ITGA11: variants seen among roughly 807,000 people sequenced by gnomAD.
The protein encoded by ITGA11 is integrin subunit alpha 11, also known as integrin alpha-11.
A neutral mutation model predicts 141.9 loss-of-function variants in ITGA11; 97 were observed. That is an observed-to-expected ratio of 0.68 (90% CI 0.58 to 0.81). The LOEUF (loss-of-function observed/expected upper bound fraction) is 0.81. ITGA11 is among the 30% of genes least tolerant of loss of function. ITGA11 has a pLI of 0.00. For synonymous variants in ITGA11, 658 were observed against 624.6 expected (o/e 1.05, Z -0.80); for missense variants, 1,387 against 1,559.2 (o/e 0.89, Z 1.86).
At chr15:68,327,798 T>G (rs4777037) in intron 16 of ITGA11, among the ~76,000 whole-genome samples, 116,261 of 152,036 alleles carry the variant, frequency 0.76, 45,247 homozygotes, top group East Asian at 0.9. Context: ...ACCCCACTTT[T>G]CTCCACTGGC....
chr15:68,431,958 C>G, intron 1 of ITGA11, 57 bp downstream of exon 1: 3 of 1,198,910 alleles, frequency 2.5e-6, no homozygotes, highest in Non-Finnish European at 3.2e-6. Flanking sequence ...GATCCAAGCC[C>G]CGAGGGCCCA....
chr15:68,332,393 A>C lies in ITGA11; in HGVS notation c.1511T>G (p.Met504Arg). The C allele has an allele frequency of 6.2e-7, 1 of 1,610,604 alleles. No individual in the cohort carries two copies. The highest frequency in any genetic ancestry group is 1.3e-5 in the African/African-American group (1 of 74,970). ...TCGCTCACGGCCCTCGTTGAAGTAC[A>C]TGGGTGCGCCCACCAGCAGGACATC... ...VTDVLLVGAPMYFNEGRERGK... is the reference protein window; with the variant it reads ...VTDVLLVGAPRYFNEGRERGK... The change falls in exon 13 of 30, where the codon ATG becomes AGG. Residue 504 changes from methionine to arginine, a missense_variant. By Grantham distance (91) the Met-to-Arg change is moderately conservative (BLOSUM62 -1). Coordinates refer to ENST00000315757, the MANE Select transcript of ITGA11 (RefSeq NM_001004439.2).
intron 10 of ITGA11, 87 bp downstream of exon 10, chr15:68,348,743 G>T: frequency 1.7e-6 from 2 of 1,179,096 alleles, no homozygotes; most frequent in Non-Finnish European, 2.5e-6. Flanking sequence ...TGTGAAGGTG[G>T]ATGACAGATC....
At chr15:68,402,866 G>A in intron 2 of ITGA11, 52 bp downstream of exon 2, 6 of 1,257,962 alleles carry the variant, frequency 4.8e-6, no homozygotes, top group Admixed American at 1.9e-5. Flanking sequence ...GGATGGAGGG[G>A]GCTGGGTGTG....
chr15:68,346,225 C>T (rs746546922), intron 10 of ITGA11, among the ~76,000 whole-genome samples: 39 of 152,122 alleles, frequency 2.6e-4, no homozygotes, highest in Admixed American at 3.9e-4. Context: ...ATGACCTTGA[C>T]GTGACCGAAG....
chr15:68,362,264 G>A (rs1330130592), intron 4 of ITGA11, among the ~76,000 whole-genome samples: 1 of 152,070 alleles, frequency 6.6e-6, no homozygotes, highest in Admixed American at 6.5e-5. Context: ...CTGAGTGAAG[G>A]GTTCTTCTCA....
intron 2 of ITGA11, among the ~76,000 whole-genome samples, chr15:68,398,271 G>C (rs1351318928): frequency 6.6e-6 from 1 of 151,878 alleles, no homozygotes; most frequent in South Asian, 2.1e-4. Flanking sequence ...CACGTGCAGA[G>C]ACACACATAG....
At chr15:68,401,445 G>T (rs149999562) in intron 2 of ITGA11, among the ~76,000 whole-genome samples, 4 of 152,190 alleles carry the variant, frequency 2.6e-5, no homozygotes, top group African/African-American at 9.6e-5. Context: ...AGCCCAAAAT[G>T]GAAACAATCC....
At chr15:68,386,741 G>C (rs1895993942) in intron 2 of ITGA11, among the ~76,000 whole-genome samples, 2 of 152,122 alleles carry the variant, frequency 1.3e-5, no homozygotes, top group Non-Finnish European at 2.9e-5. Flanking sequence ...GGCTGCTCTT[G>C]TACCCTTCTC....
At chr15:68,405,748 T>C (rs1896637544) in intron 1 of ITGA11, among the ~76,000 whole-genome samples, 1 of 151,962 alleles carries the variant, frequency 6.6e-6, no homozygotes, top group South Asian at 2.1e-4. Flanking sequence ...GAGACACCAG[T>C]GTCACCTGTG....
At chr15:68,401,588 G>A (rs1470297502) in intron 2 of ITGA11, among the ~76,000 whole-genome samples, 1 of 152,194 alleles carries the variant, frequency 6.6e-6, no homozygotes, top group Non-Finnish European at 1.5e-5. Context: ...AATGTTGAGT[G>A]AGAGGTCAGA....
chr15:68,361,507 G>T, intron 5 of ITGA11, 83 bp downstream of exon 5: 1 of 881,076 alleles, frequency 1.1e-6, no homozygotes, highest in Non-Finnish European at 1.8e-6. Flanking sequence ...CTGCTTTCTA[G>T]CCACAGGTTG....
chr15:68,351,528 C>G, intron 7 of ITGA11, 126 bp from the exon 8 acceptor site: 1 of 981,690 alleles, frequency 1.0e-6, no homozygotes, highest in Non-Finnish European at 1.5e-6. Flanking sequence ...CAACAGGTGC[C>G]AGGACCTCAA....
chr15:68,398,911 T>A (rs1896395419), intron 2 of ITGA11, among the ~76,000 whole-genome samples: 1 of 151,220 alleles, frequency 6.6e-6, no homozygotes, highest in African/African-American at 2.4e-5. Flanking sequence ...GAGAAATTTT[T>A]AAAAACTGAA....
At chr15:68,415,731 A>G (rs1472787061) in intron 1 of ITGA11, among the ~76,000 whole-genome samples, 1 of 152,114 alleles carries the variant, frequency 6.6e-6, no homozygotes, top group East Asian at 1.9e-4. Flanking sequence ...AAAAGAACAC[A>G]CCAGGAAGCA....
chr15:68,303,067 G>A lies in ITGA11; in HGVS notation c.3559C>T (p.Leu1187=), dbSNP rs1893081647. 3.9e-6 allele frequency: 6 copies of A among 1,549,818 alleles called. No individual in the cohort carries two copies. The highest frequency in any genetic ancestry group is 5.2e-6 in the Non-Finnish European group (6 of 1,146,702). The stretch of plus-strand genomic sequence containing the variant: ...AAGTCTCCTCTGGAGCCTCACTCCA[G>A]CACTTTGGGGGTGGGGTCCAGACCA... ...EPGLDPTPKV[L]E The change falls in exon 30 of 30, where the codon CTG becomes TTG. Residue 1187 remains leucine, a synonymous_variant. Coordinates refer to ENST00000315757, the MANE Select transcript of ITGA11 (RefSeq NM_001004439.2). This position sits in a 1 kb window ranked among gnomAD's most constrained non-coding sequence, Gnocchi z 5.3.
At chr15:68,388,059 A>G (rs1471181624) in intron 2 of ITGA11, among the ~76,000 whole-genome samples, 2 of 152,132 alleles carry the variant, frequency 1.3e-5, no homozygotes, top group African/African-American at 4.8e-5. Flanking sequence ...CTCCAAACCA[A>G]TGAGTCCAAA....
rs774539528 is a variant in ITGA11, at chr15:68,321,564, A to G, written c.2323-61T>C. ...AGGGACCCGCAGCCCCTCGCCCTCA[A>G]TGTACACCAGCTCTGTCTCCACCAC... On this transcript the variant is annotated intron_variant, in intron 18 of 29. Coordinates refer to ENST00000315757, the MANE Select transcript of ITGA11 (RefSeq NM_001004439.2). The surrounding 1 kb of genome is among the most constrained non-coding windows in gnomAD (Gnocchi z 4.9). The G allele has an allele frequency of 4.2e-4, 453 of 1,076,698 alleles. No homozygotes were observed. The highest frequency in any genetic ancestry group is 4.8e-4 in the Non-Finnish European group (357 of 738,952). 66.7% of individuals were successfully genotyped at this position (1,076,698 alleles called of 1,614,324 possible).
intron 2 of ITGA11, among the ~76,000 whole-genome samples, chr15:68,375,202 G>A (rs111396403): frequency 0.016 from 2,456 of 152,240 alleles, 80 homozygotes; most frequent in African/African-American, 0.055. Context: ...TCTCAACACA[G>A]CCCCCGCTCC....
Sources: allele counts gnomAD v4.1 joint callset (sites outside exome capture counted in the v4.1 genomes callset), GRCh38; gene constraint gnomAD v4.1.1; non-coding constraint Gnocchi (gnomAD v3.1); transcripts MANE v1.5; gene names NCBI Gene and HGNC (gene_info 2026-07-23, HGNC 2026-07-21).